The following SIPA1L3 variants were observed in gnomAD, a reference collection of about 807,000 sequenced individuals.
SIPA1L3 encodes signal-induced proliferation-associated 1-like protein 3.
Under a neutral mutation model 150.1 loss-of-function variants are expected in SIPA1L3, and 59 were observed. The observed-to-expected ratio is 0.39, with a 90% CI of 0.32 to 0.49. SIPA1L3 has a LOEUF of 0.49. Ranked by LOEUF, SIPA1L3 falls within the 20% of genes least tolerant of loss-of-function variation. SIPA1L3 has a pLI of 0.86. For missense variants in SIPA1L3, 2,211 were observed against 2,489.5 expected, an observed-to-expected ratio of 0.89 and a Z score of 2.38; for synonymous variants, 1,070 against 1,077.6, an observed-to-expected ratio of 0.99 and a Z score of 0.14.
chr19:38,019,105 A>G (rs189824752), intron 1 of SIPA1L3, among the ~76,000 whole-genome samples: 2 of 152,298 alleles, frequency 1.3e-5, no homozygotes, highest in Admixed American at 1.3e-4. Context: ...CCCATCACTC[A>G]TCTGCTATGC....
At position 38,183,679 on chromosome 19, in the gene SIPA1L3, G is replaced by C. The variant is rs568996549; in HGVS notation, c.4430+939G>C. Among the ~76,000 whole-genome samples, 32 of 152,312 alleles carry C rather than the reference G, an allele frequency of 2.1e-4. 1 individual carries two copies. Among genetic ancestry groups the C allele is most frequent in the Middle Eastern group, 3.4e-3 (1 of 294 alleles). ...GAGAACTTTGGGTGTTATCAGCCTAGAGCTGCGAGGCTGGAAGAGCCCCTA... is the reference window on the plus strand; with the variant it reads ...GAGAACTTTGGGTGTTATCAGCCTACAGCTGCGAGGCTGGAAGAGCCCCTA... On this transcript the variant is annotated intron_variant, in intron 16 of 21. Coordinates refer to ENST00000222345, the MANE Select transcript of SIPA1L3 (RefSeq NM_015073.3).
chr19:38,129,853 G>A (rs1461254222), intron 9 of SIPA1L3, among the ~76,000 whole-genome samples: 1 of 152,092 alleles, frequency 6.6e-6, no homozygotes, highest in African/African-American at 2.4e-5. Context: ...GATCATCTGA[G>A]GTCAGGAGTT....
chr19:38,129,830 G>T (rs1165241168), intron 9 of SIPA1L3, among the ~76,000 whole-genome samples: 5 of 152,226 alleles, frequency 3.3e-5, no homozygotes, highest in East Asian at 1.9e-4. Flanking sequence ...ACTTTGGGAG[G>T]CTGAGGCAGG....
intron 1 of SIPA1L3, among the ~76,000 whole-genome samples, chr19:37,969,716 G>A (rs942506861): frequency 2.6e-5 from 4 of 152,068 alleles, no homozygotes; most frequent in Non-Finnish European, 5.9e-5. Flanking sequence ...CTTTGTGTGT[G>A]CCCTTCCCTA....
intron 10 of SIPA1L3, among the ~76,000 whole-genome samples, chr19:38,137,367 T>G (rs1971458919): frequency 6.6e-6 from 1 of 152,122 alleles, no homozygotes; most frequent in Admixed American, 6.6e-5. Flanking sequence ...TTTTGTATTT[T>G]TAGTAGAGAT....
rs1443281626 is a variant in SIPA1L3 at position 38,204,633 on chromosome 19, C to T, written c.5202+425C>T. Among the ~76,000 whole-genome samples the T allele has an allele frequency of 3.9e-5, 6 of 151,910 alleles. No individual in the cohort carries two copies. The South Asian group carries it at 6.3e-4, about 16-fold the overall frequency. The stretch of plus-strand genomic sequence containing the variant: ...TACAATAATTAGTCGGGTGTGGTGG[C>T]GGGTGCCTGTAATCCCAGGTACTCA... On this transcript the variant is annotated intron_variant, in intron 21 of 21. Coordinates refer to ENST00000222345, the MANE Select transcript of SIPA1L3 (RefSeq NM_015073.3).
intron 21 of SIPA1L3, 142 bp from the exon 22 acceptor site, chr19:38,205,955 G>A: frequency 1.1e-6 from 1 of 929,800 alleles, no homozygotes; most frequent in Non-Finnish European, 1.5e-6. Context: ...GGCAGAGTGG[G>A]ATGTGTGCCC....
At position 38,130,745 on chromosome 19, in the gene SIPA1L3, C is replaced by T. The variant is rs199506586; in HGVS notation, c.3116C>T (p.Pro1039Leu). The change falls in exon 10 of 22, where the codon CCG (proline) becomes CTG (leucine). Residue 1039 changes from proline (P) to leucine (L), a missense_variant. Around this residue, in one of 5 missense-constraint regions of SIPA1L3, gnomAD observed 625 missense variants for 804.2 expected, o/e 0.78. Coordinates refer to ENST00000222345, the MANE Select transcript of SIPA1L3 (RefSeq NM_015073.3). ...TSVTVKVVIIPPFEDGTPRRG... is the reference protein window; with the variant it reads ...TSVTVKVVIILPFEDGTPRRG... Reference sequence around the variant, plus strand: ...GTCACTGTGAAGGTGGTCATCATCCCGCCTTTTGAGGACGGCACTCCCCGG... The same window carrying T: ...GTCACTGTGAAGGTGGTCATCATCCTGCCTTTTGAGGACGGCACTCCCCGG... The T allele has an allele frequency of 3.7e-6, 6 of 1,609,670 alleles. No homozygotes were observed. Among genetic ancestry groups the T allele is most frequent in the South Asian group, 1.1e-5 (1 of 90,946 alleles).
intron 4 of SIPA1L3, among the ~76,000 whole-genome samples, chr19:38,098,503 T>C (rs1406113749): frequency 1.3e-5 from 2 of 150,738 alleles, no homozygotes; most frequent in African/African-American, 4.9e-5. Flanking sequence ...CAAGCAATTC[T>C]CCTGCCACAG....
intron 21 of SIPA1L3, among the ~76,000 whole-genome samples, 179 bp downstream of exon 21, chr19:38,204,387 C>CA (rs1267995921): frequency 6.6e-6 from 1 of 152,202 alleles, no homozygotes; most frequent in Non-Finnish European, 1.5e-5. Context: ...ACCAAGCGCT[C>CA]AGAGAAACTC....
rs1966903277 is a variant in SIPA1L3 at position 37,970,431 on chromosome 19, G to C, written c.-378-58658G>C. 4.6e-5 allele frequency among the ~76,000 whole-genome samples: 7 copies of C among 152,296 alleles called. No homozygotes were observed. The South Asian group carries it at 1.4e-3, about 32-fold the overall frequency. ...GGCCAGGACAGGCATTTTAATACTT[G>C]GTTATTGGACTACCTCTAAGGAGCT... On this transcript the variant is annotated intron_variant, in intron 1 of 21. Transcript: ENST00000222345.
At chr19:37,924,392 C>A (rs1388537011) in intron 1 of SIPA1L3, among the ~76,000 whole-genome samples, 2 of 149,616 alleles carry the variant, frequency 1.3e-5, no homozygotes, top group Non-Finnish European at 2.9e-5. Context: ...TCCTGAAGGA[C>A]CTGCCTGAGG....
At chr19:38,130,461 G>A in intron 9 of SIPA1L3, 37 bp from the exon 10 acceptor site, 1 of 1,582,998 alleles carries the variant, frequency 6.3e-7, no homozygotes, top group Non-Finnish European at 8.6e-7. Flanking sequence ...GCTGACCCAA[G>A]CAGCTTCTGA....
At chr19:38,068,755 G>A (rs968333754) in intron 2 of SIPA1L3, among the ~76,000 whole-genome samples, 1 of 152,154 alleles carries the variant, frequency 6.6e-6, no homozygotes, top group Non-Finnish European at 1.5e-5. Context: ...TACTCAAGAG[G>A]CTGAGGTGGG....
intron 2 of SIPA1L3, among the ~76,000 whole-genome samples, chr19:38,042,840 C>A (rs1397225681): frequency 6.6e-6 from 1 of 152,060 alleles, no homozygotes; most frequent in Non-Finnish European, 1.5e-5. Context: ...TTCATTCATT[C>A]GACATTGATA....
At chr19:38,110,543 C>T (rs1046784880) in intron 8 of SIPA1L3, among the ~76,000 whole-genome samples, 159 bp downstream of exon 8, 4 of 152,142 alleles carry the variant, frequency 2.6e-5, no homozygotes, top group African/African-American at 9.7e-5. Flanking sequence ...TGGTTTTTAG[C>T]CAGAAAGGGG....
At chr19:38,167,340 A>T (rs964673164) in intron 15 of SIPA1L3, among the ~76,000 whole-genome samples, 11 of 152,088 alleles carry the variant, frequency 7.2e-5, no homozygotes, top group African/African-American at 2.7e-4. Flanking sequence ...ATGCTGATCA[A>T]TCCCCACTCA....
intron 2 of SIPA1L3, among the ~76,000 whole-genome samples, chr19:38,077,859 C>CG (rs1339632908): frequency 2.6e-5 from 4 of 151,552 alleles, no homozygotes; most frequent in Non-Finnish European, 5.9e-5. Flanking sequence ...TTAGTAGAGA[C>CG]GGGGTTTCAC....
chr19:38,135,797 G>A (rs1410150483), intron 10 of SIPA1L3, among the ~76,000 whole-genome samples: 1 of 152,094 alleles, frequency 6.6e-6, no homozygotes, highest in Non-Finnish European at 1.5e-5. Context: ...ATGCAGAGGT[G>A]TGTAGCTGAC....
Sources: gnomAD v4.1 joint callset for allele counts (sites outside exome capture counted in the v4.1 genomes callset) on GRCh38, gnomAD v4.1.1 for gene constraint, gnomAD v4.1.1 regional missense constraint, MANE v1.5 for transcripts, NCBI Gene and HGNC (gene_info 2026-07-23, HGNC 2026-07-21) for gene names.